EFNA5: variants seen among roughly 807,000 people sequenced by gnomAD.
The protein encoded by EFNA5 is ephrin-A5.
A neutral mutation model predicts 22.9 loss-of-function variants in EFNA5; 5 were observed. The observed-to-expected ratio is 0.22, with a 90% CI of 0.11 to 0.46. EFNA5 has a LOEUF of 0.46. EFNA5 is among the 20% of genes least tolerant of loss of function. The pLI, the probability that EFNA5 is intolerant of heterozygous loss-of-function variation, is 0.99. For missense variants in EFNA5, 237 were observed against 293.3 expected (o/e 0.81, Z 1.40); for synonymous variants, 113 against 112.2 (o/e 1.01, Z -0.04).
At chr5:107,522,360 C>G (rs546420054) in intron 1 of EFNA5, among the ~76,000 whole-genome samples, 1 of 152,284 alleles carries the variant, frequency 6.6e-6, no homozygotes, top group African/African-American at 2.4e-5. Flanking sequence ...GCCACTAAAA[C>G]CTATGTCTCC....
chr5:107,620,274 T>C (rs1368204381), intron 1 of EFNA5, among the ~76,000 whole-genome samples: 1 of 152,224 alleles, frequency 6.6e-6, no homozygotes, highest in Non-Finnish European at 1.5e-5. Flanking sequence ...GCTGGCCACG[T>C]TTCATTTACT....
chr5:107,522,542 G>A (rs1747619432), intron 1 of EFNA5, among the ~76,000 whole-genome samples: 1 of 152,074 alleles, frequency 6.6e-6, no homozygotes, highest in Non-Finnish European at 1.5e-5. Flanking sequence ...AGGATTATAG[G>A]CACGTGCCAC....
At chr5:107,641,863 C>G (rs1389353281) in intron 1 of EFNA5, among the ~76,000 whole-genome samples, 1 of 152,156 alleles carries the variant, frequency 6.6e-6, no homozygotes. Flanking sequence ...AAATCAATGA[C>G]TGTCCACCCA....
intron 1 of EFNA5, among the ~76,000 whole-genome samples, chr5:107,623,607 G>A (rs1399993744): frequency 6.6e-6 from 1 of 151,860 alleles, no homozygotes; most frequent in African/African-American, 2.4e-5. Context: ...GCATGAATAG[G>A]TGGGCAGGCT....
Position 107,494,494 on chromosome 5 carries a change from G to A in EFNA5, c.126-66985C>T, listed in dbSNP as rs543456266. ...GCTGCCTTCCCGTGGGGCTGGGCTTGGGACCTGCAGCCCGCCATACCTGAG... is the reference window on the plus strand; with the variant it reads ...GCTGCCTTCCCGTGGGGCTGGGCTTAGGACCTGCAGCCCGCCATACCTGAG... On this transcript the variant is annotated intron_variant, in intron 1 of 4. Transcript: ENST00000333274. Among the ~76,000 whole-genome samples, 3 of 152,336 alleles carry A rather than the reference G, an allele frequency of 2.0e-5. No homozygotes were observed. The South Asian group carries it at 6.2e-4, about 32-fold the overall frequency.
At chr5:107,566,699 C>T (rs897472492) in intron 1 of EFNA5, among the ~76,000 whole-genome samples, 2 of 152,162 alleles carry the variant, frequency 1.3e-5, no homozygotes, top group African/African-American at 4.8e-5. Context: ...TTCCATCAGT[C>T]AACTTTTATC....
chr5:107,637,914 T>C (rs1263864904), intron 1 of EFNA5, among the ~76,000 whole-genome samples: 1 of 151,814 alleles, frequency 6.6e-6, no homozygotes, highest in Non-Finnish European at 1.5e-5. Flanking sequence ...TGGCACTATC[T>C]CGGCTAACTG....
intron 1 of EFNA5, among the ~76,000 whole-genome samples, chr5:107,660,037 T>C (rs1037146846): frequency 4.6e-5 from 7 of 151,748 alleles, no homozygotes; most frequent in Non-Finnish European, 7.4e-5. Context: ...ACACCACCTC[T>C]GTCATGTTGT....
At chr5:107,468,616 G>A (rs1321919237) in intron 1 of EFNA5, among the ~76,000 whole-genome samples, 1 of 152,190 alleles carries the variant, frequency 6.6e-6, no homozygotes, top group Non-Finnish European at 1.5e-5. Context: ...TAAGGAATGT[G>A]TTCCTGGGTG....
intron 1 of EFNA5, among the ~76,000 whole-genome samples, chr5:107,468,267 A>G (rs753285591): frequency 5.3e-5 from 8 of 152,242 alleles, no homozygotes; most frequent in Non-Finnish European, 1.2e-4. Context: ...ATAGGCAAGA[A>G]TCACATTGTC....
At chr5:107,652,816 C>T (rs1750758357) in intron 1 of EFNA5, among the ~76,000 whole-genome samples, 1 of 152,024 alleles carries the variant, frequency 6.6e-6, no homozygotes. Context: ...GGTAAAAATA[C>T]AAGCAGCTTT....
intron 1 of EFNA5, among the ~76,000 whole-genome samples, chr5:107,619,072 A>C (rs1749981534): frequency 6.6e-6 from 1 of 151,754 alleles, no homozygotes; most frequent in South Asian, 2.1e-4. Flanking sequence ...CAGGCACCTG[A>C]CACCACGCCT....
At chr5:107,646,332 T>A (rs1750633714) in intron 1 of EFNA5, among the ~76,000 whole-genome samples, 2 of 152,180 alleles carry the variant, frequency 1.3e-5, no homozygotes, top group South Asian at 4.1e-4. Flanking sequence ...GGTGTACATG[T>A]CGTACATCTT....
chr5:107,403,241 T>C (rs2112391644), intron 2 of EFNA5, among the ~76,000 whole-genome samples: 1 of 152,332 alleles, frequency 6.6e-6, no homozygotes, highest in Admixed American at 6.5e-5. Context: ...GCACAACTTG[T>C]GATCCCTTTG....
At chr5:107,472,066 T>C (rs1244492925) in intron 1 of EFNA5, among the ~76,000 whole-genome samples, 1 of 152,320 alleles carries the variant, frequency 6.6e-6, no homozygotes, top group African/African-American at 2.4e-5. Flanking sequence ...AGAAAACACA[T>C]GCACAAAGCC....
At chr5:107,623,515 C>T (rs991580415) in intron 1 of EFNA5, among the ~76,000 whole-genome samples, 2 of 152,020 alleles carry the variant, frequency 1.3e-5, no homozygotes, top group African/African-American at 4.8e-5. Context: ...AATTTAACAG[C>T]CCATCAAAGT....
intron 1 of EFNA5, among the ~76,000 whole-genome samples, chr5:107,504,195 A>AT (rs1304101266): frequency 1.3e-5 from 2 of 152,144 alleles, no homozygotes; most frequent in African/African-American, 4.8e-5. Context: ...AAGAGAGGGT[A>AT]TTTTTTAAAT....
At chr5:107,482,298 G>A (rs1232210666) in intron 1 of EFNA5, among the ~76,000 whole-genome samples, 6 of 127,346 alleles carry the variant, frequency 4.7e-5, no homozygotes, top group Admixed American at 2.4e-4. Flanking sequence ...AAAATGAGTT[G>A]ATCTTGTCTC....
chr5:107,484,436 A>T (rs1287373691), intron 1 of EFNA5, among the ~76,000 whole-genome samples: 1 of 152,208 alleles, frequency 6.6e-6, no homozygotes, highest in Non-Finnish European at 1.5e-5. Context: ...CAGAACTAAC[A>T]TGGAAGATTT....
Sources: allele counts gnomAD v4.1 joint callset (sites outside exome capture counted in the v4.1 genomes callset), GRCh38; gene constraint gnomAD v4.1.1; transcripts MANE v1.5; gene names NCBI Gene and HGNC (gene_info 2026-07-23, HGNC 2026-07-21).